The following RGS12 variants were observed in gnomAD, a reference collection of about 807,000 sequenced individuals.
RGS12 encodes the protein regulator of G protein signaling 12.
In RGS12, 66 loss-of-function variants were observed where a neutral mutation model predicts 120.1. The observed-to-expected ratio is 0.55, with a 90% CI of 0.45 to 0.67. RGS12 has a LOEUF of 0.67. Among genes scored for constraint, RGS12 ranks in the 30% least tolerant of loss-of-function variants. The pLI is 0.00. For synonymous variants in RGS12, 827 were observed against 804.7 expected (o/e 1.03, Z -0.47); for missense variants, 1,859 against 1,957.7 (o/e 0.95, Z 0.95).
At chr4:3,320,854 G>A (rs906448960) in intron 2 of RGS12, among the ~76,000 whole-genome samples, 18 of 152,314 alleles carry the variant, frequency 1.2e-4, no homozygotes, top group Admixed American at 2.6e-4. Flanking sequence ...CGTCCGCAGC[G>A]ATCAGGGCCC....
At chr4:3,309,486 G>A (rs375639182) in intron 1 of RGS12, among the ~76,000 whole-genome samples, 112 of 118,528 alleles carry the variant, frequency 9.4e-4, no homozygotes, top group Non-Finnish European at 1.3e-3. Context: ...AACCGTGTGG[G>A]GGAGGAGCTG....
At chr4:3,395,041 AC>A (rs1470386964) in intron 4 of RGS12, among the ~76,000 whole-genome samples, 3 of 152,184 alleles carry the variant, frequency 2.0e-5, no homozygotes, top group African/African-American at 4.8e-5. Flanking sequence ...ACAAAAAAAA[AC>A]ATTAGCTGGA....
chr4:3,400,929 G>A (rs1036769106), intron 4 of RGS12, among the ~76,000 whole-genome samples: 19 of 151,802 alleles, frequency 1.3e-4, no homozygotes, highest in Admixed American at 6.6e-5. Context: ...CTCAGCAACT[G>A]TTTTAACATT....
intron 2 of RGS12, among the ~76,000 whole-genome samples, chr4:3,324,914 A>G (rs2108708462): frequency 6.6e-6 from 1 of 152,278 alleles, no homozygotes; most frequent in East Asian, 1.9e-4. Context: ...GACCATAAAT[A>G]TTTCTCTTAT....
At chr4:3,360,119 C>T (rs1294451908) in intron 3 of RGS12, among the ~76,000 whole-genome samples, 1 of 152,162 alleles carries the variant, frequency 6.6e-6, no homozygotes. Flanking sequence ...AGAATTTAAC[C>T]ATTTCATCTA....
At chr4:3,370,096 T>G in intron 3 of RGS12, 1 of 1,362,782 alleles carries the variant, frequency 7.3e-7, no homozygotes, top group Non-Finnish European at 9.5e-7. Flanking sequence ...TGAGATAGAG[T>G]CTGAAACCCT....
At chr4:3,306,047 T>A (rs955717236) in intron 1 of RGS12, among the ~76,000 whole-genome samples, 3 of 152,220 alleles carry the variant, frequency 2.0e-5, no homozygotes, top group African/African-American at 7.2e-5. Context: ...ATACCTGGCA[T>A]CCCTCTGAGA....
At chr4:3,422,850 C>T (rs1397115199) in intron 11 of RGS12, 55 bp from the exon 12 acceptor site, 17 of 1,497,838 alleles carry the variant, frequency 1.1e-5, no homozygotes, top group African/African-American at 1.4e-5. Flanking sequence ...CGTGGGTCTG[C>T]GTTTGGGGGG....
At position 3,361,612 on chromosome 4, in the gene RGS12, A is replaced by G. The variant is rs146795112; in HGVS notation, c.1998+18559A>G. ...CCGAGGGCATGAACTGGCGCCAGGT[A>G]GCAGGAGCGAGGGAAGGCCCTCAGT... On this transcript the variant is annotated intron_variant, in intron 3 of 17. Coordinates refer to ENST00000336727, the MANE Select transcript of RGS12 (RefSeq NM_001394154.1). 1.9e-3 allele frequency among the ~76,000 whole-genome samples: 293 copies of G among 152,304 alleles called. 3 individuals are homozygous for G. The highest frequency in any genetic ancestry group is 6.3e-3 in the African/African-American group (261 of 41,574).
At chr4:3,428,287 G>T (rs757353858) in intron 15 of RGS12, 118 bp downstream of exon 15, 3 of 990,290 alleles carry the variant, frequency 3.0e-6, no homozygotes, top group East Asian at 2.4e-5. Context: ...TCTCCCCCAC[G>T]CTCCTTGGCG....
intron 1 of RGS12, among the ~76,000 whole-genome samples, chr4:3,303,466 C>T (rs1723794617): frequency 6.6e-6 from 1 of 152,234 alleles, no homozygotes. Context: ...ATTTCAGCAT[C>T]TGTGCAGATA....
chr4:3,393,866 A>G (rs1238169117), intron 4 of RGS12, among the ~76,000 whole-genome samples: 2 of 152,162 alleles, frequency 1.3e-5, no homozygotes, highest in African/African-American at 4.8e-5. Flanking sequence ...AAAGAGCTTC[A>G]CTGATTTCCC....
At chr4:3,291,072 G>A (rs569117218), upstream of RGS12, among the ~76,000 whole-genome samples, 6 of 152,286 alleles carry the variant, frequency 3.9e-5, no homozygotes, top group African/African-American at 7.2e-5. Context: ...TGAGCTGCTC[G>A]TCCTCTTCCC....
At chr4:3,383,854 C>T (rs73077177) in intron 3 of RGS12, among the ~76,000 whole-genome samples, 5,563 of 152,234 alleles carry the variant, frequency 0.037, 138 homozygotes, top group African/African-American at 0.08. Flanking sequence ...TCCCTGGCCA[C>T]CTTCTCCTTC....
chr4:3,315,614 C>A (rs1724687875), intron 1 of RGS12, among the ~76,000 whole-genome samples: 1 of 152,224 alleles, frequency 6.6e-6, no homozygotes, highest in Non-Finnish European at 1.5e-5. Flanking sequence ...CTGCAGGTGC[C>A]TTTGAACCTG....
chr4:3,345,342 T>C (rs1713691134), intron 3 of RGS12, among the ~76,000 whole-genome samples: 1 of 152,152 alleles, frequency 6.6e-6, no homozygotes, highest in Non-Finnish European at 1.5e-5. Flanking sequence ...CTGTAACACT[T>C]TGTTAGGGTT....
intron 4 of RGS12, chr4:3,413,778 T>C (rs911703999): frequency 1.1e-5 from 4 of 367,000 alleles, no homozygotes; most frequent in Non-Finnish European, 1.5e-5. Context: ...TGTGAGCATA[T>C]GAGTGTGCGT....
chr4:3,367,301 C>T (rs557056493), intron 3 of RGS12, among the ~76,000 whole-genome samples: 5 of 152,388 alleles, frequency 3.3e-5, no homozygotes, highest in African/African-American at 1.2e-4. Context: ...GAGAACGGCT[C>T]GCCCTTTCCG....
upstream of RGS12, among the ~76,000 whole-genome samples, chr4:3,292,435 C>G (rs1285184121): frequency 6.6e-6 from 1 of 152,154 alleles, no homozygotes; most frequent in Non-Finnish European, 1.5e-5. Context: ...TGGCTGTCCC[C>G]GTGGCTTCGC....
Sources: gnomAD v4.1 joint callset for allele counts (sites outside exome capture counted in the v4.1 genomes callset) on GRCh38, gnomAD v4.1.1 for gene constraint, MANE v1.5 for transcripts, NCBI Gene and HGNC (gene_info 2026-07-23, HGNC 2026-07-21) for gene names.